Variants in GLI2 observed in about 807,000 individuals in gnomAD.
GLI2 encodes the protein GLI family zinc finger 2.
In GLI2, 22 loss-of-function variants were observed where a neutral mutation model predicts 78.9. That is an observed-to-expected ratio of 0.28 (90% confidence interval 0.20 to 0.40). GLI2 has a LOEUF of 0.40. GLI2 is among the 10% of genes least tolerant of loss of function. GLI2 has a pLI of 1.00. For synonymous variants in GLI2, 974 were observed against 963.7 expected (o/e 1.01, Z -0.20); for missense variants, 2,097 against 2,213.2 (o/e 0.95, Z 1.05).
chr2:120,901,767 ATC>A lies in GLI2; in HGVS notation c.149-25590_149-25589del, dbSNP rs1354590618. On this transcript the variant is annotated intron_variant, in intron 2 of 13. Coordinates refer to ENST00000361492, the MANE Select transcript of GLI2 (RefSeq NM_001374353.1). ...TATTAGAAGTTCTACTGTGATTAAA[ATC>A]TCTGTTCCAGTGCTGTTTACCACTT... Among the ~76,000 whole-genome samples the A allele has an allele frequency of 9.9e-5, 15 of 152,250 alleles. 1 individual carries two copies. The South Asian group carries it at 3.1e-3, about 32-fold the overall frequency.
intron 2 of GLI2, among the ~76,000 whole-genome samples, chr2:120,856,617 A>G (rs555199780): frequency 6.6e-5 from 10 of 152,138 alleles, no homozygotes; most frequent in Admixed American, 2.0e-4. Flanking sequence ...TCAGCTGCCT[A>G]CAGAACACTC....
rs2592591 is a variant in GLI2, at chr2:120,971,914, C to T, written c.1060-27C>T. 0.97 allele frequency: 1,561,935 copies of T among 1,612,492 alleles called. 760,885 individuals carry two copies. The highest frequency in any genetic ancestry group is 1 in the East Asian group (44,869 of 44,876). Reference sequence around the variant, plus strand: ...ATATCCCTGCCCTGCCCCTGAGTAACAGACTGTCCTCTGCACCCTTCCTCA... The same window carrying T: ...ATATCCCTGCCCTGCCCCTGAGTAATAGACTGTCCTCTGCACCCTTCCTCA... On this transcript the variant is annotated intron_variant, in intron 7 of 13. Coordinates refer to ENST00000361492, the MANE Select transcript of GLI2 (RefSeq NM_001374353.1).
At chr2:120,752,319 G>A (rs555781690) in intron 1 of GLI2, among the ~76,000 whole-genome samples, 60 of 144,712 alleles carry the variant, frequency 4.1e-4, no homozygotes, top group Non-Finnish European at 6.6e-4. Flanking sequence ...TGCCCAGGCT[G>A]GAGTGCAGTG....
chr2:120,916,708 G>A (rs1679116724), intron 2 of GLI2, among the ~76,000 whole-genome samples: 1 of 152,260 alleles, frequency 6.6e-6, no homozygotes, highest in Non-Finnish European at 1.5e-5. Flanking sequence ...CTGCAGCAGG[G>A]TGTGTGGTTG....
chr2:120,860,729 C>T lies in GLI2; in HGVS notation c.148+63261C>T, dbSNP rs1369077408. On this transcript the variant is annotated intron_variant, in intron 2 of 13. Transcript: ENST00000361492. The stretch of plus-strand genomic sequence containing the variant: ...GAAGAGGCAGGGTTCCTTATGGATC[C>T]TGGGCCTGGCCCATTGTTAACAGGG... Among the ~76,000 whole-genome samples, 3 of 152,204 alleles carry T rather than the reference C, an allele frequency of 2.0e-5. No homozygotes were observed. In the East Asian group the frequency reaches 5.8e-4, roughly 29 times the overall value.
At chr2:120,970,369 T>G in intron 6 of GLI2, 24 bp from the exon 7 acceptor site, 85 of 954,030 alleles carry the variant, frequency 8.9e-5, no homozygotes, top group Middle Eastern at 2.4e-4. Context: ...CCACCCCCAC[T>G]TCCTTGTCTG....
chr2:120,900,645 G>C (rs923102116), intron 2 of GLI2, among the ~76,000 whole-genome samples: 5 of 152,134 alleles, frequency 3.3e-5, no homozygotes, highest in African/African-American at 1.2e-4. Context: ...TTCCTTTTAG[G>C]CTCTAGATAA....
At chr2:120,987,003 G>A (rs559354052) in intron 13 of GLI2, among the ~76,000 whole-genome samples, 1 of 152,210 alleles carries the variant, frequency 6.6e-6, no homozygotes, top group South Asian at 2.1e-4. Context: ...TGGTTAGAAG[G>A]CTGTGCCACC....
intron 2 of GLI2, among the ~76,000 whole-genome samples, chr2:120,821,387 A>T (rs892686121): frequency 6.6e-6 from 1 of 152,208 alleles, no homozygotes; most frequent in African/African-American, 2.4e-5. Flanking sequence ...GTGAACTTCT[A>T]CTGTGAAAGA....
At chr2:120,756,253 T>C (rs1683029507) in intron 1 of GLI2, among the ~76,000 whole-genome samples, 1 of 152,226 alleles carries the variant, frequency 6.6e-6, no homozygotes, top group African/African-American at 2.4e-5. Context: ...CTCCTAGCAA[T>C]GTTTTATAAC....
At chr2:120,848,479 T>G (rs184657325) in intron 2 of GLI2, among the ~76,000 whole-genome samples, 1 of 152,190 alleles carries the variant, frequency 6.6e-6, no homozygotes, top group Non-Finnish European at 1.5e-5. Flanking sequence ...TTCTCTTTAT[T>G]TTGGGTGGAG....
intron 2 of GLI2, among the ~76,000 whole-genome samples, chr2:120,819,522 G>A (rs546797987): frequency 2.6e-5 from 4 of 152,234 alleles, no homozygotes; most frequent in South Asian, 4.2e-4. Flanking sequence ...TTGCAGGCGT[G>A]AGTCACTGCA....
At chr2:120,885,838 G>A (rs1447104710) in intron 2 of GLI2, among the ~76,000 whole-genome samples, 2 of 152,146 alleles carry the variant, frequency 1.3e-5, no homozygotes, top group Admixed American at 6.5e-5. Context: ...GTGTGGGAGC[G>A]GGGCCTCACG....
At chr2:120,891,542 C>T (rs1388629816) in intron 2 of GLI2, among the ~76,000 whole-genome samples, 2 of 152,074 alleles carry the variant, frequency 1.3e-5, no homozygotes, top group African/African-American at 4.8e-5. Flanking sequence ...AATAGATGAA[C>T]GGGCGTACAG....
intron 2 of GLI2, among the ~76,000 whole-genome samples, chr2:120,913,337 G>A (rs1678928362): frequency 6.6e-6 from 1 of 152,176 alleles, no homozygotes; most frequent in Admixed American, 6.5e-5. Flanking sequence ...GACGTAGTAG[G>A]AATAAAAGCA....
chr2:120,949,870 C>T (rs1012245103), intron 3 of GLI2, among the ~76,000 whole-genome samples: 6 of 152,178 alleles, frequency 3.9e-5, no homozygotes, highest in African/African-American at 1.2e-4. Flanking sequence ...GCCCAGTTTT[C>T]ATGCACTATT....
chr2:120,924,411 C>G (rs1679556640), intron 2 of GLI2, among the ~76,000 whole-genome samples: 1 of 152,106 alleles, frequency 6.6e-6, no homozygotes, highest in African/African-American at 2.4e-5. Context: ...TTGGCACTGT[C>G]GTTTTTTAGT....
At position 120,912,612 on chromosome 2, in the gene GLI2, C is replaced by T. The variant is rs569095881; in HGVS notation, c.149-14749C>T. Among the ~76,000 whole-genome samples the T allele has an allele frequency of 2.0e-5, 3 of 152,298 alleles. No individual in the cohort carries two copies. The East Asian group carries it at 5.8e-4, about 29-fold the overall frequency. ...CAACCATCATTCAGTTAACTGGGTC[C>T]AGAATCACACGGGCAGGGAGCCAGG... On this transcript the variant is annotated intron_variant, in intron 2 of 13. Coordinates refer to ENST00000361492, the MANE Select transcript of GLI2 (RefSeq NM_001374353.1).
At chr2:120,933,686 T>A (rs1680051845) in intron 3 of GLI2, among the ~76,000 whole-genome samples, 1 of 152,172 alleles carries the variant, frequency 6.6e-6, no homozygotes, top group South Asian at 2.1e-4. Flanking sequence ...GTGCTCCCCA[T>A]TTCCTCAGTG....
Sources: allele counts gnomAD v4.1 joint callset (sites outside exome capture counted in the v4.1 genomes callset), GRCh38; gene constraint gnomAD v4.1.1; transcripts MANE v1.5; gene names NCBI Gene and HGNC (gene_info 2026-07-23, HGNC 2026-07-21).